The following MYO7A variants were observed in gnomAD, a reference collection of about 807,000 sequenced individuals.
The protein encoded by MYO7A is unconventional myosin-VIIa.
MYO7A carries 210 observed loss-of-function variants against 263.8 expected under a neutral mutation model. That is an observed-to-expected ratio of 0.80 (90% confidence interval 0.71 to 0.89). The LOEUF (loss-of-function observed/expected upper bound fraction) is 0.89. Among genes scored for constraint, MYO7A ranks in the 40% least tolerant of loss-of-function variants. The pLI is 0.00. For missense variants in MYO7A, 2,820 were observed against 2,968.3 expected, an observed-to-expected ratio of 0.95 and a Z score of 1.16; for synonymous variants, 1,239 against 1,197.3, an observed-to-expected ratio of 1.03 and a Z score of -0.72.
chr11:77,194,559 G>T lies in MYO7A; in HGVS notation c.4323+35G>T, dbSNP rs1109977. ...CTGAGAGGAGTCCTAGAGAAGGGAT[G>T]TGGACCTGAACAACCAAGGAGGTCC... On this transcript the variant is annotated intron_variant, in intron 32 of 48. Coordinates refer to ENST00000409709, the MANE Select transcript of MYO7A (RefSeq NM_000260.4). 0.54 allele frequency: 841,390 copies of T among 1,548,086 alleles called. 231,942 individuals carry two copies. Among genetic ancestry groups the T allele is most frequent in the African/African-American group, 0.68 (49,538 of 73,216 alleles).
Position 77,138,575 on chromosome 11 carries a change from A to C in MYO7A, c.19-4134A>C, listed in dbSNP as rs1481839687. ...CCTAGGATGCCACCTGCGGTCTCTG[A>C]CCTCCCCCAGTGTGAACTTGGCCGC... On this transcript the variant is annotated intron_variant, in intron 2 of 48. Transcript: ENST00000409709. This position sits in a 1 kb window ranked among gnomAD's most constrained non-coding sequence, Gnocchi z 4.9. Among the ~76,000 whole-genome samples the C allele has an allele frequency of 6.6e-6, 1 of 151,752 alleles. No individual in the cohort carries two copies. Among genetic ancestry groups the C allele is most frequent in the Non-Finnish European group, 1.5e-5 (1 of 67,920 alleles).
At chr11:77,209,138 T>TC (rs1957690280) in intron 44 of MYO7A, 1 of 255,168 alleles carries the variant, frequency 3.9e-6, no homozygotes, top group Admixed American at 4.9e-5. Flanking sequence ...AAACATTTTC[T>TC]AGCATAGGCA....
intron 48 of MYO7A, 35 bp downstream of exon 48, chr11:77,214,014 C>T: frequency 7.4e-6 from 12 of 1,612,632 alleles, no homozygotes; most frequent in Non-Finnish European, 1.0e-5. Flanking sequence ...AGTGGGCTCC[C>T]TGCCTTGCCT....
rs369307560 is a variant in MYO7A at position 77,184,593 on chromosome 11, C to T, written c.3381C>T (p.Thr1127=). ...GTCCTCTCCCTCTGGCCCAGGTGAC[C>T]AAGAGGCTGCATGACGGGGAGTCCA... ...KKKSKLTEEV[T]KRLHDGESTV... is the part of the protein sequence containing the mutation. The change falls in exon 27 of 49, where the codon ACC becomes ACT. Residue 1127 remains threonine, a synonymous_variant. Coordinates refer to ENST00000409709, the MANE Select transcript of MYO7A (RefSeq NM_000260.4). The T allele has an allele frequency of 1.1e-5, 17 of 1,562,826 alleles. No individual in the cohort carries two copies. Among genetic ancestry groups the T allele is most frequent in the Non-Finnish European group, 1.5e-5 (17 of 1,153,294 alleles).
chr11:77,143,203 T>C (rs550327962), intron 3 of MYO7A, among the ~76,000 whole-genome samples: 59 of 152,306 alleles, frequency 3.9e-4, no homozygotes, highest in Non-Finnish European at 2.9e-5. Context: ...CCTAGTCTCC[T>C]TCCCTCCTGA....
intron 15 of MYO7A, 83 bp from the exon 16 acceptor site, chr11:77,172,665 C>T (rs976355797): frequency 2.0e-6 from 3 of 1,522,516 alleles, no homozygotes; most frequent in African/African-American, 1.4e-5. Context: ...GCTGACCTCC[C>T]CTCCCGCTTC....
chr11:77,204,777 C>T (rs542024796), intron 39 of MYO7A, among the ~76,000 whole-genome samples: 45 of 152,212 alleles, frequency 3.0e-4, no homozygotes, highest in Non-Finnish European at 6.3e-4. Flanking sequence ...CCTTCCTCCC[C>T]AGCTGTGTCA....
At chr11:77,152,978 A>G (rs1201133189) in intron 4 of MYO7A, among the ~76,000 whole-genome samples, 7 of 152,266 alleles carry the variant, frequency 4.6e-5, no homozygotes, top group African/African-American at 1.7e-4. Flanking sequence ...GTTGAGGTTG[A>G]CGAGGGTGGC....
At chr11:77,162,373 A>G in intron 13 of MYO7A, 43 bp downstream of exon 13, 2 of 1,525,156 alleles carry the variant, frequency 1.3e-6, no homozygotes, top group Non-Finnish European at 8.9e-7. Context: ...TTGGGTGCGC[A>G]CAGCTTCCTT....
intron 3 of MYO7A, among the ~76,000 whole-genome samples, chr11:77,146,124 C>A (rs1951546767): frequency 6.6e-6 from 1 of 152,208 alleles, no homozygotes; most frequent in Non-Finnish European, 1.5e-5. Flanking sequence ...AACTGGGAAA[C>A]CTCCGAGCCA....
At chr11:77,180,661 G>A (rs1955098561) in intron 22 of MYO7A, among the ~76,000 whole-genome samples, 180 bp downstream of exon 22, 1 of 152,206 alleles carries the variant, frequency 6.6e-6, no homozygotes, top group Non-Finnish European at 1.5e-5. Context: ...CCTGTGCCAT[G>A]CAAAAGGATG....
At chr11:77,178,013 A>G (rs1271029787) in intron 19 of MYO7A, among the ~76,000 whole-genome samples, 12 of 151,980 alleles carry the variant, frequency 7.9e-5, no homozygotes, top group African/African-American at 2.2e-4. Flanking sequence ...CTCATATTCT[A>G]TCTAAGGGAT....
At chr11:77,199,232 C>T (rs1166842359) in intron 34 of MYO7A, among the ~76,000 whole-genome samples, 1 of 152,192 alleles carries the variant, frequency 6.6e-6, no homozygotes, top group Non-Finnish European at 1.5e-5. Context: ...TCCTTGTCCT[C>T]TTGGATCTTC....
intron 2 of MYO7A, 93 bp downstream of exon 2, chr11:77,130,745 T>C: frequency 1.4e-6 from 2 of 1,423,216 alleles, no homozygotes; most frequent in Non-Finnish European, 1.9e-6. Context: ...CCCAGGGTGT[T>C]CTCTTGGAAA....
Position 77,138,882 on chromosome 11 carries a change from C to T in MYO7A, c.19-3827C>T, listed in dbSNP as rs1392862137. Among the ~76,000 whole-genome samples, 1 of 152,212 alleles carries T rather than the reference C, an allele frequency of 6.6e-6. No homozygotes were observed. Among genetic ancestry groups the T allele is most frequent in the African/African-American group, 2.4e-5 (1 of 41,454 alleles). ...GAAAATGGGGTGATAAAACCGGTGTCCCAGAGTGATCATGAAGATAACGAG... is the reference window on the plus strand; with the variant it reads ...GAAAATGGGGTGATAAAACCGGTGTTCCAGAGTGATCATGAAGATAACGAG... On this transcript the variant is annotated intron_variant, in intron 2 of 48. Transcript: ENST00000409709. The surrounding 1 kb of genome is among the most constrained non-coding windows in gnomAD (Gnocchi z 4.9).
rs1218243988 is a variant in MYO7A at position 77,212,784 on chromosome 11, T to C, written c.6355-168T>C. 16 of 647,538 alleles carry C rather than the reference T, an allele frequency of 2.5e-5. No homozygotes were observed. In the South Asian group the frequency reaches 2.7e-4, roughly 11 times the overall value. 40.1% of individuals were successfully genotyped at this position (647,538 alleles called of 1,614,324 possible). A position where few individuals can be genotyped will look rare whatever the true frequency, so the allele number is the denominator to read the frequency against. On this transcript the variant is annotated intron_variant, in intron 46 of 48. Transcript: ENST00000409709. ...CCCAGGAAGGGATGTGGGGCAGCACTGAGGGCCCAGCGGAGGTGGAAGCCA... is the reference window on the plus strand; with the variant it reads ...CCCAGGAAGGGATGTGGGGCAGCACCGAGGGCCCAGCGGAGGTGGAAGCCA...
chr11:77,199,665 GC>G lies in MYO7A; in HGVS notation c.4704del (p.Ser1569AlafsTer30). 1 of 1,613,086 alleles carries G rather than the reference GC, an allele frequency of 6.2e-7. No homozygotes were observed. Among genetic ancestry groups the G allele is most frequent in the South Asian group, 1.1e-5 (1 of 90,938 alleles). ...CWSCRGAKTT[A>X]PSFTLATIKG... is the part of the protein sequence containing the mutation. ...GTCCTGCAGGGGAGCGAAAACGACG[GC>G]CCCCAGCTTCACGCTGGCCACCATC... is the stretch of plus-strand genomic sequence containing the variant. On this transcript the variant is annotated frameshift_variant, in exon 35 of 49. Coordinates refer to ENST00000409709, the MANE Select transcript of MYO7A (RefSeq NM_000260.4). LOFTEE classifies it high-confidence loss of function.
In MYO7A at chr11:77,184,459, G is replaced by A. The variant is rs1955509864; in HGVS notation, c.3376-129G>A. 6.6e-6 allele frequency: 5 copies of A among 753,844 alleles called. No individual in the cohort carries two copies. The South Asian group carries it at 8.7e-5, about 13-fold the overall frequency. The allele number at this position is 753,844 out of a possible 1,614,324, so 46.7% of individuals were successfully genotyped here. On this transcript the variant is annotated intron_variant, in intron 26 of 48. Coordinates refer to ENST00000409709, the MANE Select transcript of MYO7A (RefSeq NM_000260.4). ...GTGGCAGGGGTAATGACAGTGATGG[G>A]GAGCCCAGTTCTTCTGCTCACTCCT...
intron 4 of MYO7A, among the ~76,000 whole-genome samples, chr11:77,149,359 G>T (rs1368778262): frequency 6.6e-6 from 1 of 152,164 alleles, no homozygotes; most frequent in Non-Finnish European, 1.5e-5. Context: ...TCAGAGGGGT[G>T]GTATTTGGGC....
Sources: allele counts gnomAD v4.1 joint callset (sites outside exome capture counted in the v4.1 genomes callset), GRCh38; gene constraint gnomAD v4.1.1; non-coding constraint Gnocchi (gnomAD v3.1); transcripts MANE v1.5; gene names NCBI Gene and HGNC (gene_info 2026-07-23, HGNC 2026-07-21).